UNC5D: variants seen among roughly 807,000 people sequenced by gnomAD.
The protein encoded by UNC5D is netrin receptor UNC5D.
Under a neutral mutation model 105.4 loss-of-function variants are expected in UNC5D, and 39 were observed. That is an observed-to-expected ratio of 0.37 (90% CI 0.29 to 0.48). The LOEUF is 0.48. Ranked by LOEUF, UNC5D falls within the 20% of genes least tolerant of loss-of-function variation. UNC5D has a pLI of 0.98. For synonymous variants in UNC5D, 452 were observed against 450.4 expected, an observed-to-expected ratio of 1.00 and a Z score of -0.04; for missense variants, 991 against 1,202.4, an observed-to-expected ratio of 0.82 and a Z score of 2.60.
chr8:35,283,009 T>A (rs1017955357), intron 1 of UNC5D, among the ~76,000 whole-genome samples: 6 of 152,202 alleles, frequency 3.9e-5, no homozygotes, highest in African/African-American at 1.4e-4. Context: ...ACTCCCAGGC[T>A]GGCTAAAAGT....
At chr8:35,435,786 A>C (rs1201908415) in intron 1 of UNC5D, among the ~76,000 whole-genome samples, 1 of 152,036 alleles carries the variant, frequency 6.6e-6, no homozygotes. Context: ...GGAAGCTATA[A>C]ATAGTGTTCA....
intron 4 of UNC5D, among the ~76,000 whole-genome samples, chr8:35,672,108 A>G (rs1379891872): frequency 6.6e-6 from 1 of 152,150 alleles, no homozygotes; most frequent in Non-Finnish European, 1.5e-5. Flanking sequence ...TATGTATGAT[A>G]CGTGTCTGTG....
chr8:35,595,708 A>G, intron 4 of UNC5D, 51 bp downstream of exon 4: 1 of 1,548,370 alleles, frequency 6.5e-7, no homozygotes, highest in Non-Finnish European at 8.9e-7. Flanking sequence ...GCCTGTTCCC[A>G]AGAGGGAGGG....
chr8:35,501,916 TGA>T (rs1254572937), intron 1 of UNC5D, among the ~76,000 whole-genome samples: 7 of 152,212 alleles, frequency 4.6e-5, no homozygotes, highest in African/African-American at 7.2e-5. Context: ...TAAACAAATG[TGA>T]GAGAGATGAT....
chr8:35,727,913 C>T (rs1009361843), intron 10 of UNC5D: 3 of 151,382 alleles, frequency 2.0e-5, no homozygotes, highest in Non-Finnish European at 4.4e-5. Flanking sequence ...GAATACAACC[C>T]TTGCCCTAAA....
intron 1 of UNC5D, among the ~76,000 whole-genome samples, chr8:35,447,352 G>C (rs1807867018): frequency 6.6e-6 from 1 of 151,958 alleles, no homozygotes; most frequent in Non-Finnish European, 1.5e-5. Flanking sequence ...AGGACAAATG[G>C]CTAGCTGTTT....
intron 7 of UNC5D, among the ~76,000 whole-genome samples, chr8:35,700,876 T>C (rs924168259): frequency 6.6e-6 from 1 of 151,992 alleles, no homozygotes; most frequent in Non-Finnish European, 1.5e-5. Flanking sequence ...TTGCAACAAA[T>C]AAGGAAATAA....
At chr8:35,728,310 A>G (rs1351657036) in intron 10 of UNC5D, among the ~76,000 whole-genome samples, 1 of 151,874 alleles carries the variant, frequency 6.6e-6, no homozygotes, top group Admixed American at 6.6e-5. Flanking sequence ...GTTTACACAT[A>G]TGTAGAGGGA....
chr8:35,593,475 G>A lies in UNC5D; in HGVS notation c.467-2079G>A, dbSNP rs186389353. ...ATAACAAACAAACCAAACAAAAGCC[G>A]GACACAGTGGCTCATGCCTGTAATC... On this transcript the variant is annotated intron_variant, in intron 3 of 16. Transcript: ENST00000404895. Among the ~76,000 whole-genome samples, 53 of 152,228 alleles carry A rather than the reference G, an allele frequency of 3.5e-4. No homozygotes were observed. In the South Asian group the frequency reaches 3.9e-3, roughly 11 times the overall value.
chr8:35,322,335 C>T (rs1419526765), intron 1 of UNC5D, among the ~76,000 whole-genome samples: 1 of 151,640 alleles, frequency 6.6e-6, no homozygotes, highest in Non-Finnish European at 1.5e-5. Flanking sequence ...TTTTTCTCCC[C>T]CCTTTTTTTT....
rs184176482 is a variant in UNC5D, at chr8:35,408,914, T to C, written c.104-140378T>C. 9.9e-4 allele frequency among the ~76,000 whole-genome samples: 151 copies of C among 152,178 alleles called. No homozygotes were observed. The Middle Eastern group carries it at 0.01, about 10-fold the overall frequency. ...CAAGATACAGAGTAATTATTTTATTTCTCCTAAATCTCCCTCGTGATTTGG... is the reference window on the plus strand; with the variant it reads ...CAAGATACAGAGTAATTATTTTATTCCTCCTAAATCTCCCTCGTGATTTGG... On this transcript the variant is annotated intron_variant, in intron 1 of 16. Transcript: ENST00000404895.
chr8:35,514,471 C>T (rs939220171), intron 1 of UNC5D, among the ~76,000 whole-genome samples: 2 of 152,196 alleles, frequency 1.3e-5, no homozygotes, highest in Admixed American at 6.5e-5. Context: ...AAGCCCAGCG[C>T]ATTTCTAGGC....
chr8:35,626,850 C>T (rs1309783167), intron 4 of UNC5D, among the ~76,000 whole-genome samples: 8 of 151,518 alleles, frequency 5.3e-5, no homozygotes, highest in African/African-American at 1.9e-4. Flanking sequence ...TTTTTTTCTC[C>T]CAGGTATCTG....
intron 1 of UNC5D, among the ~76,000 whole-genome samples, chr8:35,351,728 A>G (rs1812253512): frequency 6.6e-6 from 1 of 152,156 alleles, no homozygotes. Flanking sequence ...GCCTACTATG[A>G]GAGTGTTTGC....
At chr8:35,710,063 G>C (rs1008814337) in intron 8 of UNC5D, among the ~76,000 whole-genome samples, 5 of 152,150 alleles carry the variant, frequency 3.3e-5, no homozygotes, top group Non-Finnish European at 7.4e-5. Flanking sequence ...ATATATTCAA[G>C]GAAAAGCTCT....
At chr8:35,461,368 G>A (rs1330866695) in intron 1 of UNC5D, among the ~76,000 whole-genome samples, 1 of 152,066 alleles carries the variant, frequency 6.6e-6, no homozygotes, top group African/African-American at 2.4e-5. Flanking sequence ...TTACTTCTAT[G>A]CTACACGCGT....
chr8:35,564,233 G>C (rs1376785909), intron 2 of UNC5D, among the ~76,000 whole-genome samples: 2 of 151,988 alleles, frequency 1.3e-5, no homozygotes, highest in East Asian at 1.9e-4. Context: ...CTGAAGAGAT[G>C]AAAGTGTCTT....
intron 1 of UNC5D, among the ~76,000 whole-genome samples, chr8:35,308,626 T>C (rs113576121): frequency 1.8e-4 from 27 of 152,242 alleles, no homozygotes; most frequent in Non-Finnish European, 3.4e-4. Flanking sequence ...TCGATCAATA[T>C]TTATACATAC....
At chr8:35,451,874 A>G (rs1808174271) in intron 1 of UNC5D, among the ~76,000 whole-genome samples, 1 of 152,160 alleles carries the variant, frequency 6.6e-6, no homozygotes, top group Non-Finnish European at 1.5e-5. Flanking sequence ...GGTTCCTTTC[A>G]AGGGAAAGCC....
Sources: gnomAD v4.1 joint callset for allele counts (sites outside exome capture counted in the v4.1 genomes callset) on GRCh38, gnomAD v4.1.1 for gene constraint, MANE v1.5 for transcripts, NCBI Gene and HGNC (gene_info 2026-07-23, HGNC 2026-07-21) for gene names.